The following RNF19A variants were observed in gnomAD, a reference collection of about 807,000 sequenced individuals.
RNF19A encodes the protein E3 ubiquitin-protein ligase RNF19A.
In RNF19A, 32 loss-of-function variants were observed where a neutral mutation model predicts 75.7. The ratio of observed to expected loss-of-function variants is 0.42; its 90% CI spans 0.32 to 0.57. The LOEUF is 0.57. RNF19A is among the 20% of genes least tolerant of loss of function. The pLI is 0.10. For missense variants in RNF19A, 782 were observed against 1,036.3 expected, an observed-to-expected ratio of 0.75 and a Z score of 3.37; for synonymous variants, 335 against 345.2, an observed-to-expected ratio of 0.97 and a Z score of 0.33.
rs1658563795 is a variant in RNF19A at position 100,284,938 on chromosome 8, T to G, written c.674+2563A>C. 6.6e-6 allele frequency among the ~76,000 whole-genome samples: 1 copy of G among 152,200 alleles called. No individual in the cohort carries two copies. The highest frequency in any genetic ancestry group is 1.5e-5 in the Non-Finnish European group (1 of 68,010). On this transcript the variant is annotated intron_variant, in intron 2 of 9. Transcript: ENST00000341084. This position sits in a 1 kb window ranked among gnomAD's most constrained non-coding sequence, Gnocchi z 4.3. ...TTGTATCAGTATACTAAGCATGAAC[T>G]GGAAATCAGAACCTTTATTTACCAG...
intron 2 of RNF19A, among the ~76,000 whole-genome samples, chr8:100,280,053 T>C (rs1586632146): frequency 6.6e-6 from 1 of 152,202 alleles, no homozygotes; most frequent in African/African-American, 2.4e-5. Flanking sequence ...TGATTACTTA[T>C]AATCATAATT....
At chr8:100,282,236 GACTC>G (rs1820812640) in intron 2 of RNF19A, among the ~76,000 whole-genome samples, 1 of 152,112 alleles carries the variant, frequency 6.6e-6, no homozygotes, top group African/African-American at 2.4e-5. Flanking sequence ...TATTTTTATT[GACTC>G]ATTAAAACAC....
intron 3 of RNF19A, among the ~76,000 whole-genome samples, chr8:100,270,944 A>G (rs1286284001): frequency 2.6e-5 from 4 of 152,104 alleles, no homozygotes; most frequent in Non-Finnish European, 5.9e-5. Context: ...GTAACTTGTA[A>G]TTACTATTAG....
rs1300201165 is a variant in RNF19A, at chr8:100,287,838, T to C, written c.337A>G (p.Thr113Ala). 6.2e-7 allele frequency: 1 copy of C among 1,614,180 alleles called. No homozygotes were observed. Among genetic ancestry groups the C allele is most frequent in the South Asian group, 1.1e-5 (1 of 91,084 alleles). ...TDKNSIFSTN[T>A]SSDNGLTSIS... ...GAAGTTAATCCATTGTCAGAAGAGG[T>C]ATTTGTAGAGAAAATGGAGTTCTTA... Residue 113 changes from threonine to alanine, a missense_variant, in exon 2 of 10, where the codon ACC (threonine) becomes GCC (alanine). Transcript: ENST00000341084. This position sits in a 1 kb window ranked among gnomAD's most constrained non-coding sequence, Gnocchi z 4.1.
Position 100,269,021 on chromosome 8 carries a change from C to CTTT in RNF19A, c.1029-75_1029-74insAAA. 1 of 1,183,466 alleles carries CTTT rather than the reference C, an allele frequency of 8.4e-7. No individual in the cohort carries two copies. Among genetic ancestry groups the CTTT allele is most frequent in the Non-Finnish European group, 1.1e-6 (1 of 878,006 alleles). The allele number at this position is 1,183,466 out of a possible 1,614,324, so 73.3% of individuals were successfully genotyped here. A position where few individuals can be genotyped will look rare whatever the true frequency, so the allele number is the denominator to read the frequency against. ...AACAAATTAGTGCACTATATTAAAA[C>CTTT]AATGACTATTTTTAAAAACTTCTCA... On this transcript the variant is annotated intron_variant, in intron 4 of 9. Coordinates refer to ENST00000341084, the MANE Select transcript of RNF19A (RefSeq NM_183419.4). The surrounding 1 kb of genome is among the most constrained non-coding windows in gnomAD (Gnocchi z 5.7).
At position 100,324,752 on chromosome 8, in the gene RNF19A, T is replaced by C. The variant is rs1822506350; in HGVS notation, c.-243+11356A>G. Among the ~76,000 whole-genome samples the C allele has an allele frequency of 6.6e-6, 1 of 152,200 alleles. No individual in the cohort carries two copies. The highest frequency in any genetic ancestry group is 6.5e-5 in the Admixed American group (1 of 15,278). ...CATGACAAGACATTTTAACAAGAGA[T>C]GATAGGAAAATTGATTAAAGGCATT... is the stretch of plus-strand genomic sequence containing the variant. On this transcript the variant is annotated intron_variant, in intron 1 of 3. Coordinates refer to the RNF19A transcript ENST00000519527. This position sits in a 1 kb window ranked among gnomAD's most constrained non-coding sequence, Gnocchi z 4.2.
At position 100,324,960 on chromosome 8, in the gene RNF19A, G is replaced by T. The variant is rs1365515176; in HGVS notation, c.-243+11148C>A. ...CTCACTCTGTCACCCAGGCTGGAGT[G>T]CAATGGCACAACCTCAGCTTACTGC... is the stretch of plus-strand genomic sequence containing the variant. On this transcript the variant is annotated intron_variant, in intron 1 of 3. Coordinates refer to the RNF19A transcript ENST00000519527. The surrounding 1 kb of genome is among the most constrained non-coding windows in gnomAD (Gnocchi z 4.2). 3.3e-5 allele frequency among the ~76,000 whole-genome samples: 5 copies of T among 151,316 alleles called. No individual in the cohort carries two copies. Among genetic ancestry groups the T allele is most frequent in the Non-Finnish European group, 5.9e-5 (4 of 67,880 alleles).
intron 1 of RNF19A, among the ~76,000 whole-genome samples, chr8:100,326,155 C>T (rs1039636930): frequency 6.6e-6 from 1 of 152,176 alleles, no homozygotes; most frequent in African/African-American, 2.4e-5. Context: ...TCATCACCCT[C>T]ACATGCATAC....
intron 1 of RNF19A, among the ~76,000 whole-genome samples, chr8:100,315,404 A>G (rs1389396477): frequency 6.6e-6 from 1 of 152,070 alleles, no homozygotes; most frequent in Non-Finnish European, 1.5e-5. Context: ...GGGGGGGAAA[A>G]ATGCAACCAG....
At position 100,257,888 on chromosome 8, in the gene RNF19A, T is replaced by G; in HGVS notation, c.*668A>C. On this transcript the variant is annotated 3_prime_UTR_variant, in exon 10 of 10. Transcript: ENST00000341084. The stretch of plus-strand genomic sequence containing the variant: ...GCTGTCATATGCTTAATTACTTACC[T>G]TTACATTTTTTCCTCTAAGATGGCA... The G allele has an allele frequency of 2.5e-6, 1 of 397,478 alleles. No individual in the cohort carries two copies. 24.6% of individuals were successfully genotyped at this position (397,478 alleles called of 1,614,324 possible). A position where few individuals can be genotyped will look rare whatever the true frequency, so the allele number is the denominator to read the frequency against.
chr8:100,294,310 T>C (rs1486361989), intron 1 of RNF19A, among the ~76,000 whole-genome samples: 6 of 152,186 alleles, frequency 3.9e-5, no homozygotes, highest in Admixed American at 3.9e-4. Flanking sequence ...AGAGTAGATC[T>C]GTGGAAAGCA....
In RNF19A at chr8:100,275,764, A is replaced by G. The variant is rs1440262334; in HGVS notation, c.675-603T>C. Among the ~76,000 whole-genome samples the G allele has an allele frequency of 6.6e-6, 1 of 152,110 alleles. No homozygotes were observed. The highest frequency in any genetic ancestry group is 1.5e-5 in the Non-Finnish European group (1 of 68,022). On this transcript the variant is annotated intron_variant, in intron 2 of 9. Coordinates refer to ENST00000341084, the MANE Select transcript of RNF19A (RefSeq NM_183419.4). The surrounding 1 kb of genome is among the most constrained non-coding windows in gnomAD (Gnocchi z 4.3). ...TCTGATTTTCTACAATTACTTGTTG[A>G]AGTGGAAAAAGTTAAAAGAAAAAAA... is the stretch of plus-strand genomic sequence containing the variant.
upstream of RNF19A, among the ~76,000 whole-genome samples, chr8:100,310,597 G>C (rs1276401550): frequency 6.6e-6 from 1 of 152,190 alleles, no homozygotes; most frequent in Non-Finnish European, 1.5e-5. Flanking sequence ...TGCAGCTCTC[G>C]GCGAGGAAAT....
In RNF19A at chr8:100,260,229, AAC is replaced by A. The variant is rs1819649263; in HGVS notation, c.1683-234_1683-233del. 1.3e-5 allele frequency among the ~76,000 whole-genome samples: 2 copies of A among 152,344 alleles called. No homozygotes were observed. Among genetic ancestry groups the A allele is most frequent in the South Asian group, 4.1e-4 (2 of 4,828 alleles). ...CTGCCAAGTAAAGTGGTAATGAAAT[AAC>A]ACAAAAAAGACACAAAGGATTTTCA... On this transcript the variant is annotated intron_variant, in intron 8 of 9. Coordinates refer to ENST00000341084, the MANE Select transcript of RNF19A (RefSeq NM_183419.4). This position sits in a 1 kb window ranked among gnomAD's most constrained non-coding sequence, Gnocchi z 4.1.
intron 1 of RNF19A, among the ~76,000 whole-genome samples, chr8:100,321,732 T>C (rs376833239): frequency 6.6e-6 from 1 of 152,256 alleles, no homozygotes; most frequent in Non-Finnish European, 1.5e-5. Context: ...TTGAAATTAC[T>C]CTTTCATCCA....
chr8:100,311,649 C>T (rs1188183017), upstream of RNF19A, among the ~76,000 whole-genome samples: 14 of 137,162 alleles, frequency 1.0e-4, no homozygotes, highest in African/African-American at 2.8e-4. Context: ...ACCCGGGCGG[C>T]GGAGCTTGTA....
chr8:100,279,788 A>C (rs1260833144), intron 2 of RNF19A, among the ~76,000 whole-genome samples: 1 of 151,938 alleles, frequency 6.6e-6, no homozygotes, highest in Non-Finnish European at 1.5e-5. Context: ...CAGCCTCCCA[A>C]AGTGCTGGAA....
chr8:100,286,628 G>A (rs568425738), intron 2 of RNF19A, among the ~76,000 whole-genome samples: 5 of 152,264 alleles, frequency 3.3e-5, no homozygotes, highest in Non-Finnish European at 4.4e-5. Flanking sequence ...TTTGATTCAG[G>A]TAATGAGTCT....
At position 100,331,831 on chromosome 8, in the gene RNF19A, C is replaced by T. The variant is rs1822615267; in HGVS notation, c.-243+4277G>A. 6.6e-6 allele frequency among the ~76,000 whole-genome samples: 1 copy of T among 152,118 alleles called. No individual in the cohort carries two copies. On this transcript the variant is annotated intron_variant, in intron 1 of 3. Coordinates refer to the RNF19A transcript ENST00000519527. The surrounding 1 kb of genome is among the most constrained non-coding windows in gnomAD (Gnocchi z 5.2). ...ACAAATAAATCTATATATATCCTCC[C>T]CAGCCCTACCTACCTCTCTTACACA... is the stretch of plus-strand genomic sequence containing the variant.
Sources: allele counts gnomAD v4.1 joint callset (sites outside exome capture counted in the v4.1 genomes callset), GRCh38; gene constraint gnomAD v4.1.1; non-coding constraint Gnocchi (gnomAD v3.1); transcripts MANE v1.5; gene names NCBI Gene and HGNC (gene_info 2026-07-23, HGNC 2026-07-21).